Variants in STK32B observed in about 807,000 individuals in gnomAD.
STK32B encodes serine/threonine kinase 32B, also known as serine/threonine-protein kinase 32B.
STK32B carries 43 observed loss-of-function variants against 52.6 expected under a neutral mutation model. The ratio of observed to expected loss-of-function variants is 0.82; its 90% CI spans 0.64 to 1.05. The LOEUF is 1.05. STK32B is among the 50% of genes least tolerant of loss of function. The pLI is 0.00. For synonymous variants in STK32B, 238 were observed against 204.3 expected (o/e 1.17, Z -1.41); for missense variants, 621 against 534.6 (o/e 1.16, Z -1.59).
At chr4:5,424,843 G>A (rs1166185455) in intron 6 of STK32B, among the ~76,000 whole-genome samples, 1 of 152,236 alleles carries the variant, frequency 6.6e-6, no homozygotes. Context: ...GAGAAGGAGA[G>A]AAGAGCTGTA....
At chr4:5,318,768 A>G (rs537616200) in intron 3 of STK32B, among the ~76,000 whole-genome samples, 20 of 152,190 alleles carry the variant, frequency 1.3e-4, no homozygotes, top group African/African-American at 4.8e-4. Flanking sequence ...GGCTGGATTC[A>G]TGGCAAAAGC....
At chr4:5,248,112 G>A (rs1300170331) in intron 3 of STK32B, among the ~76,000 whole-genome samples, 1 of 152,146 alleles carries the variant, frequency 6.6e-6, no homozygotes, top group Non-Finnish European at 1.5e-5. Context: ...TTCAGGATAT[G>A]CAATTTGCCA....
At position 5,135,807 on chromosome 4, in the gene STK32B, A is replaced by G. The variant is rs185843990; in HGVS notation, c.53-4098A>G. On this transcript the variant is annotated intron_variant, in intron 1 of 11. Coordinates refer to ENST00000282908, the MANE Select transcript of STK32B (RefSeq NM_018401.3). Reference sequence around the variant, plus strand: ...GTGTGCCCCTTTCCTCACATACACAAAAAATGCTTTCCCAAAAATGTCTCC... The same window carrying G: ...GTGTGCCCCTTTCCTCACATACACAGAAAATGCTTTCCCAAAAATGTCTCC... Among the ~76,000 whole-genome samples, 18 of 152,316 alleles carry G rather than the reference A, an allele frequency of 1.2e-4. 1 individual carries two copies. The highest frequency in any genetic ancestry group is 1.0e-3 in the Admixed American group (16 of 15,294).
At chr4:5,372,715 A>G (rs1011816296) in intron 4 of STK32B, among the ~76,000 whole-genome samples, 1 of 129,918 alleles carries the variant, frequency 7.7e-6, no homozygotes, top group African/African-American at 2.9e-5. Flanking sequence ...TCAGCAGGAG[A>G]AAGTTGGGGG....
In STK32B at chr4:5,054,204, C is replaced by T. The variant is rs565313938; in HGVS notation, c.52+2289C>T. Among the ~76,000 whole-genome samples the T allele has an allele frequency of 1.2e-3, 178 of 152,052 alleles. 2 individuals carry two copies. Among genetic ancestry groups the T allele is most frequent in the Middle Eastern group, 3.4e-3 (1 of 294 alleles). ...CTGTACCCACCCCTGTGCTGGGGAC[C>T]GGGAATATGAGGAGGATGAAGGCAA... On this transcript the variant is annotated intron_variant, in intron 1 of 11. Transcript: ENST00000282908.
At chr4:5,147,545 A>T (rs1013328595) in intron 2 of STK32B, among the ~76,000 whole-genome samples, 1 of 152,116 alleles carries the variant, frequency 6.6e-6, no homozygotes, top group Non-Finnish European at 1.5e-5. Context: ...CATTAAGAAC[A>T]TCTTTACCTG....
At chr4:5,423,246 A>G (rs1199501396) in intron 6 of STK32B, among the ~76,000 whole-genome samples, 1 of 152,140 alleles carries the variant, frequency 6.6e-6, no homozygotes, top group Non-Finnish European at 1.5e-5. Flanking sequence ...GGGCTTCAGC[A>G]TGAGGCAGCT....
At chr4:5,357,052 CACACATATAT>C (rs1178577349) in intron 4 of STK32B, among the ~76,000 whole-genome samples, 1 of 145,942 alleles carries the variant, frequency 6.9e-6, no homozygotes, top group African/African-American at 2.7e-5. Context: ...TATATACACA[CACACATATAT>C]ACACACATAT....
intron 4 of STK32B, among the ~76,000 whole-genome samples, chr4:5,332,342 C>G (rs2108956057): frequency 6.6e-6 from 1 of 152,192 alleles, no homozygotes; most frequent in South Asian, 2.1e-4. Context: ...TTTAATGTTG[C>G]TACTGGGGAG....
At chr4:5,166,407 C>T (rs1718873570) in intron 2 of STK32B, among the ~76,000 whole-genome samples, 1 of 150,756 alleles carries the variant, frequency 6.6e-6, no homozygotes, top group Non-Finnish European at 1.5e-5. Flanking sequence ...TTCAACTCCT[C>T]CTGGAACCTC....
Position 5,331,330 on chromosome 4 carries a change from A to G in STK32B, c.371A>G (p.Lys124Arg). The change falls in exon 4 of 12, where the codon AAA becomes AGA. Residue 124 changes from lysine to arginine, a missense_variant. Lys to Arg is a conservative substitution (Grantham distance 26). Transcript: ENST00000282908. ...QNVHFTEGTV[K>R]LYICELALAL... ...GTGCATTTCACAGAGGGGACTGTGA[A>G]ACTCTACATCTGTGAGCTGGCACTG... 1 of 1,613,850 alleles carries G rather than the reference A, an allele frequency of 6.2e-7. No homozygotes were observed. The highest frequency in any genetic ancestry group is 8.5e-7 in the Non-Finnish European group (1 of 1,179,884).
intron 6 of STK32B, among the ~76,000 whole-genome samples, chr4:5,445,327 C>A (rs577293761): frequency 6.6e-6 from 1 of 152,318 alleles, no homozygotes; most frequent in African/African-American, 2.4e-5. Flanking sequence ...CATCTAGAAA[C>A]TGAGTTGAGA....
At chr4:5,430,372 C>T (rs144020704) in intron 6 of STK32B, among the ~76,000 whole-genome samples, 1 of 152,144 alleles carries the variant, frequency 6.6e-6, no homozygotes, top group Non-Finnish European at 1.5e-5. Flanking sequence ...CATTCTTTAT[C>T]TCTGGCACTA....
intron 6 of STK32B, among the ~76,000 whole-genome samples, chr4:5,426,692 C>CA (rs746246839): frequency 0.042 from 3,237 of 77,960 alleles, 93 homozygotes; most frequent in African/African-American, 0.073. Flanking sequence ...TCCATCTAAA[C>CA]AAAAAAAAAA....
chr4:5,054,052 C>T lies in STK32B; in HGVS notation c.52+2137C>T, dbSNP rs115049210. Among the ~76,000 whole-genome samples, 6 of 151,618 alleles carry T rather than the reference C, an allele frequency of 4.0e-5. No homozygotes were observed. The South Asian group carries it at 8.3e-4, about 21-fold the overall frequency. On this transcript the variant is annotated intron_variant, in intron 1 of 11. Transcript: ENST00000282908. Reference sequence around the variant, plus strand: ...CTCTCCTCATTTTGCCATTGCCCAGCCCAGTGAAACATTAACTTGTTTGAT... The same window carrying T: ...CTCTCCTCATTTTGCCATTGCCCAGTCCAGTGAAACATTAACTTGTTTGAT...
At position 5,397,503 on chromosome 4, in the gene STK32B, T is replaced by C. The variant is rs1420469824; in HGVS notation, c.435-704T>C. The stretch of plus-strand genomic sequence containing the variant: ...ATGTAGAGAAGACCTTTCCAGAAAC[T>C]CCTCTGCCCAGATTTTGTCCCATGT... On this transcript the variant is annotated intron_variant, in intron 4 of 11. Transcript: ENST00000282908. Among the ~76,000 whole-genome samples, 3 of 152,256 alleles carry C rather than the reference T, an allele frequency of 2.0e-5. No individual in the cohort carries two copies. In the East Asian group the frequency reaches 5.8e-4, roughly 29 times the overall value.
chr4:5,280,627 G>C lies in STK32B; in HGVS notation c.261-50593G>C, dbSNP rs1244256091. On this transcript the variant is annotated intron_variant, in intron 3 of 11. Coordinates refer to ENST00000282908, the MANE Select transcript of STK32B (RefSeq NM_018401.3). Reference sequence around the variant, plus strand: ...AAGACATACCTGGCCGAGCGCAGTGGCTTATGCCTGTAATTCTAGCACTTT... The same window carrying C: ...AAGACATACCTGGCCGAGCGCAGTGCCTTATGCCTGTAATTCTAGCACTTT... Among the ~76,000 whole-genome samples, 31 of 152,188 alleles carry C rather than the reference G, an allele frequency of 2.0e-4. 1 individual carries two copies. Among genetic ancestry groups the C allele is most frequent in the Admixed American group, 2.0e-3 (31 of 15,272 alleles).
chr4:5,194,466 A>C (rs576241372), intron 3 of STK32B, among the ~76,000 whole-genome samples: 2 of 152,264 alleles, frequency 1.3e-5, no homozygotes, highest in African/African-American at 4.8e-5. Flanking sequence ...ATCCCAACAC[A>C]AGACAGTGCC....
rs555329866 is a variant in STK32B, at chr4:5,469,724, G to C, written c.1106+1654G>C. 6.6e-6 allele frequency among the ~76,000 whole-genome samples: 1 copy of C among 152,336 alleles called. No individual in the cohort carries two copies. The highest frequency in any genetic ancestry group is 6.5e-5 in the Admixed American group (1 of 15,310). On this transcript the variant is annotated intron_variant, in intron 11 of 11. Transcript: ENST00000282908. The surrounding 1 kb of genome is among the most constrained non-coding windows in gnomAD (Gnocchi z 4.7). ...CTTGGGCAGCAAGCCTCACCTGCTAGAGGACCACATGTTGGGGTCTCCCAG... is the reference window on the plus strand; with the variant it reads ...CTTGGGCAGCAAGCCTCACCTGCTACAGGACCACATGTTGGGGTCTCCCAG...
Sources: gnomAD v4.1 joint callset for allele counts (sites outside exome capture counted in the v4.1 genomes callset) on GRCh38, gnomAD v4.1.1 for gene constraint, Gnocchi (gnomAD v3.1) non-coding constraint, MANE v1.5 for transcripts, NCBI Gene and HGNC (gene_info 2026-07-23, HGNC 2026-07-21) for gene names.